Variants in RANBP2 observed in about 807,000 individuals in gnomAD.
RANBP2 encodes E3 SUMO-protein ligase RanBP2.
Under a neutral mutation model 303.6 loss-of-function variants are expected in RANBP2, and 57 were observed. The observed-to-expected ratio is 0.19, with a 90% CI of 0.15 to 0.23. RANBP2 has a LOEUF of 0.23. RANBP2 is among the 10% of genes least tolerant of loss of function. The probability of loss-of-function intolerance (pLI) is 1.00; values close to 1 mark genes in which losing one functional copy is unlikely to be tolerated. For synonymous variants in RANBP2, 1,167 were observed against 1,301.5 expected, an observed-to-expected ratio of 0.90 and a Z score of 2.23; for missense variants, 3,138 against 3,780.8, an observed-to-expected ratio of 0.83 and a Z score of 4.46.
chr2:109,400,427 T>C, the RANBP2 span, among the ~76,000 whole-genome samples: 53 of 152,132 alleles, frequency 3.5e-4, no homozygotes, highest in East Asian at 5.0e-3. Flanking sequence ...TGTGCACATA[T>C]GTGCACTTAT....
the RANBP2 span, among the ~76,000 whole-genome samples, chr2:109,193,574 T>G: frequency 4.6e-5 from 7 of 152,226 alleles, no homozygotes; most frequent in African/African-American, 1.7e-4. Context: ...CCATGTGGTA[T>G]GTGCCATTCA....
At chr2:108,886,999 T>G in the RANBP2 span, among the ~76,000 whole-genome samples, 3 of 152,178 alleles carry the variant, frequency 2.0e-5, no homozygotes, top group Non-Finnish European at 4.4e-5. Flanking sequence ...CTTATGCTGT[T>G]TTTTATAGTT....
the RANBP2 span, among the ~76,000 whole-genome samples, chr2:109,720,469 T>C: frequency 6.6e-5 from 10 of 152,224 alleles, no homozygotes; most frequent in Middle Eastern, 3.4e-3. Context: ...ACCAAATCTC[T>C]TTCACAGGTA....
the RANBP2 span, chr2:109,732,695 C>T: frequency 1.4e-5 from 8 of 586,554 alleles, no homozygotes; most frequent in Non-Finnish European, 2.7e-5. Context: ...GTCTTGAACT[C>T]CTGACCTCGT....
chr2:109,703,428 A>G, the RANBP2 span, among the ~76,000 whole-genome samples: 1 of 152,068 alleles, frequency 6.6e-6, no homozygotes, highest in Admixed American at 6.6e-5. Context: ...TATTTTCTGT[A>G]TTTTATTTAT....
At chr2:109,232,144 G>T in the RANBP2 span, among the ~76,000 whole-genome samples, 1 of 152,116 alleles carries the variant, frequency 6.6e-6, no homozygotes, top group African/African-American at 2.4e-5. Context: ...CTCTTGTAGT[G>T]GAATGACCAG....
At chr2:108,942,546 G>A in the RANBP2 span, among the ~76,000 whole-genome samples, 1 of 152,256 alleles carries the variant, frequency 6.6e-6, no homozygotes, top group Non-Finnish European at 1.5e-5. Context: ...CAGCGTCCCC[G>A]TCTCCCTCCC....
the RANBP2 span, chr2:109,614,141 G>A: frequency 7.5e-6 from 9 of 1,201,842 alleles, no homozygotes; most frequent in African/African-American, 7.9e-5. Flanking sequence ...ACTCCAGGAA[G>A]ACGGCGCGAG....
the RANBP2 span, among the ~76,000 whole-genome samples, chr2:109,031,565 G>A: frequency 6.6e-6 from 1 of 152,176 alleles, no homozygotes; most frequent in East Asian, 1.9e-4. Flanking sequence ...CGGGTCTCTA[G>A]CGCACGGCCT....
chr2:108,881,056 G>T, the RANBP2 span, among the ~76,000 whole-genome samples: 9 of 152,234 alleles, frequency 5.9e-5, no homozygotes, highest in African/African-American at 1.9e-4. Context: ...CTGCCGATGT[G>T]GTGGGAATTG....
the RANBP2 span, among the ~76,000 whole-genome samples, chr2:108,825,252 G>A: frequency 1.3e-4 from 19 of 143,058 alleles, no homozygotes; most frequent in Admixed American, 4.5e-4. Flanking sequence ...ATTATATCTT[G>A]TTTTTGTTCT....
the RANBP2 span, among the ~76,000 whole-genome samples, chr2:109,248,764 C>A: frequency 1.3e-5 from 2 of 151,394 alleles, no homozygotes; most frequent in Non-Finnish European, 2.9e-5. Flanking sequence ...TTCTCTCTCT[C>A]TCTCTTTCTC....
At chr2:109,398,681 G>T in the RANBP2 span, 4 of 1,609,954 alleles carry the variant, frequency 2.5e-6, no homozygotes, top group East Asian at 6.7e-5. Context: ...TCTGACTCCG[G>T]CGCTGTGGCC....
the RANBP2 span, chr2:108,930,341 G>A: frequency 2.4e-4 from 348 of 1,431,436 alleles, no homozygotes; most frequent in African/African-American, 3.8e-3. Flanking sequence ...GGTGCCCTGC[G>A]GTGGGGGCTC....
the RANBP2 span, among the ~76,000 whole-genome samples, chr2:109,140,342 T>G: frequency 6.6e-6 from 1 of 152,298 alleles, no homozygotes; most frequent in African/African-American, 2.4e-5. Context: ...CTTTACATAC[T>G]GATGTTCTTT....
the RANBP2 span, among the ~76,000 whole-genome samples, chr2:109,112,359 T>G: frequency 2.0e-5 from 3 of 150,818 alleles, no homozygotes; most frequent in Non-Finnish European, 3.0e-5. Flanking sequence ...ATTGTGGTTT[T>G]GATTTGCATT....
At chr2:109,371,895 C>T in the RANBP2 span, among the ~76,000 whole-genome samples, 2,784 of 152,328 alleles carry the variant, frequency 0.018, 81 homozygotes, top group African/African-American at 0.058. Flanking sequence ...TGGCTGGTCC[C>T]AGGCCTGGCT....
intron 21 of RANBP2, 133 bp downstream of exon 21, chr2:108,772,004 A>G (rs1245900361): frequency 4.4e-6 from 5 of 1,146,512 alleles, no homozygotes; most frequent in African/African-American, 3.1e-5. Flanking sequence ...TTTACCCTAA[A>G]TGTATGTGTA....
chr2:108,985,484 T>C, the RANBP2 span, among the ~76,000 whole-genome samples: 1 of 152,254 alleles, frequency 6.6e-6, no homozygotes, highest in Non-Finnish European at 1.5e-5. Context: ...ACGGCCCACC[T>C]GTTTTCCATA....
Sources: gnomAD v4.1 joint callset for allele counts (sites outside exome capture counted in the v4.1 genomes callset) on GRCh38, gnomAD v4.1.1 for gene constraint, MANE v1.5 for transcripts, NCBI Gene and HGNC (gene_info 2026-07-23, HGNC 2026-07-21) for gene names.